The following ATP2C2 variants were observed in gnomAD, a reference collection of about 807,000 sequenced individuals.
ATP2C2 encodes the protein calcium-transporting ATPase type 2C member 2.
In ATP2C2, 171 loss-of-function variants were observed where a neutral mutation model predicts 110.8. The observed-to-expected ratio is 1.54, with a 90% confidence interval of 1.36 to 1.75. The LOEUF (loss-of-function observed/expected upper bound fraction) is 1.75. ATP2C2 is among the 40% of genes most tolerant of loss of function. ATP2C2 has a pLI of 0.00. For missense variants in ATP2C2, 1,963 were observed against 1,235.0 expected (o/e 1.59, Z -8.84); for synonymous variants, 804 against 508.4 (o/e 1.58, Z -7.82).
At chr16:84,442,014 C>G (rs1405353962) in intron 14 of ATP2C2, among the ~76,000 whole-genome samples, 1 of 152,080 alleles carries the variant, frequency 6.6e-6, no homozygotes, top group Non-Finnish European at 1.5e-5. Context: ...TGCGAGTGTC[C>G]AGGCTCACCA....
chr16:84,391,518 C>G (rs1007502876), intron 1 of ATP2C2, among the ~76,000 whole-genome samples: 3 of 152,178 alleles, frequency 2.0e-5, no homozygotes, highest in African/African-American at 7.2e-5. Context: ...GGGCCCTAAC[C>G]CAATGACTGG....
chr16:84,446,092 T>A (rs1909722608), intron 15 of ATP2C2, among the ~76,000 whole-genome samples: 1 of 151,884 alleles, frequency 6.6e-6, no homozygotes, highest in Non-Finnish European at 1.5e-5. Flanking sequence ...TAAGCAGATT[T>A]CAGATAGAAG....
At chr16:84,383,629 C>G (rs923644525) in intron 1 of ATP2C2, among the ~76,000 whole-genome samples, 4 of 152,136 alleles carry the variant, frequency 2.6e-5, no homozygotes, top group Non-Finnish European at 4.4e-5. Context: ...TCCAGGGTCT[C>G]TCAGCATCGT....
At chr16:84,427,498 C>T (rs1324970975) in intron 11 of ATP2C2, among the ~76,000 whole-genome samples, 3 of 152,242 alleles carry the variant, frequency 2.0e-5, no homozygotes, top group East Asian at 3.9e-4. Context: ...CAGACGATCA[C>T]CTAAGGTCAG....
chr16:84,438,774 C>T (rs540090440), intron 11 of ATP2C2, among the ~76,000 whole-genome samples: 2 of 152,258 alleles, frequency 1.3e-5, no homozygotes, highest in African/African-American at 4.8e-5. Flanking sequence ...TCACGAGGAC[C>T]CCTGGAACCA....
At chr16:84,415,643 G>A in intron 7 of ATP2C2, 52 bp downstream of exon 7, 2 of 1,458,124 alleles carry the variant, frequency 1.4e-6, no homozygotes, top group Non-Finnish European at 1.9e-6. Context: ...GCTGGTCAAG[G>A]AGCAGACACT....
At chr16:84,449,340 G>A (rs1044259893) in intron 17 of ATP2C2, among the ~76,000 whole-genome samples, 2 of 152,232 alleles carry the variant, frequency 1.3e-5, no homozygotes, top group Admixed American at 1.3e-4. Flanking sequence ...GGCTTTCTGG[G>A]GCACAGTGAA....
chr16:84,432,668 C>T (rs1908387662), intron 11 of ATP2C2, among the ~76,000 whole-genome samples: 3 of 152,086 alleles, frequency 2.0e-5, no homozygotes, highest in Non-Finnish European at 4.4e-5. Flanking sequence ...TTACAGGTGC[C>T]TGCCACCACA....
chr16:84,404,163 A>G (rs1905546050), intron 2 of ATP2C2, among the ~76,000 whole-genome samples: 1 of 152,196 alleles, frequency 6.6e-6, no homozygotes, highest in African/African-American at 2.4e-5. Flanking sequence ...AACTCACTGA[A>G]TCCTATCTTT....
In ATP2C2 at chr16:84,461,766, G is replaced by A. The variant is rs1040587091; in HGVS notation, c.2534G>A (p.Cys845Tyr). The stretch of plus-strand genomic sequence containing the variant: ...CGCACCACGACGATGACGTTCACTT[G>A]TTTTGTGTTTTTCGATCTCTTCAAC... Reference protein sequence around the residue: ...TPRTTTMTFTCFVFFDLFNAL... With the variant: ...TPRTTTMTFTYFVFFDLFNAL... The change falls in exon 25 of 27, where the codon TGT becomes TAT. Residue 845 changes from cysteine (C) to tyrosine (Y), a missense_variant. Transcript: ENST00000262429. 1.9e-6 allele frequency: 3 copies of A among 1,614,100 alleles called. No homozygotes were observed. The highest frequency in any genetic ancestry group is 2.7e-5 in the African/African-American group (2 of 74,932).
chr16:84,447,935 A>G (rs960968963), intron 16 of ATP2C2, among the ~76,000 whole-genome samples: 1 of 151,684 alleles, frequency 6.6e-6, no homozygotes, highest in East Asian at 1.9e-4. Context: ...TGTTACATTC[A>G]CACTGTGCAC....
Position 84,369,692 on chromosome 16 carries a change from A to AT in ATP2C2, c.99+985dup, listed in dbSNP as rs1909838364. Among the ~76,000 whole-genome samples the AT allele has an allele frequency of 3.3e-5, 5 of 152,110 alleles. No individual in the cohort carries two copies. The South Asian group carries it at 1.0e-3, about 32-fold the overall frequency. ...GAAAAAATATTTGACTTAAAATTTTATTTTTTTCTCCCAAAGAATACTAAT... is the reference window on the plus strand; with the variant it reads ...GAAAAAATATTTGACTTAAAATTTTATTTTTTTTCTCCCAAAGAATACTAAT... On this transcript the variant is annotated intron_variant, in intron 1 of 26. Coordinates refer to ENST00000262429, the MANE Select transcript of ATP2C2 (RefSeq NM_014861.4).
At chr16:84,379,613 G>A (rs1379887383) in intron 1 of ATP2C2, among the ~76,000 whole-genome samples, 1 of 152,214 alleles carries the variant, frequency 6.6e-6, no homozygotes, top group African/African-American at 2.4e-5. Context: ...CCAGCAATCT[G>A]AGACTCAGCA....
chr16:84,455,660 C>A (rs193113870), intron 21 of ATP2C2, among the ~76,000 whole-genome samples: 1 of 151,668 alleles, frequency 6.6e-6, no homozygotes, highest in Non-Finnish European at 1.5e-5. Flanking sequence ...TACAAAAAAT[C>A]CAAATAAACA....
intron 21 of ATP2C2, 84 bp downstream of exon 21, chr16:84,455,068 A>AGT: frequency 4.8e-6 from 6 of 1,250,360 alleles, no homozygotes; most frequent in South Asian, 4.1e-5. Context: ...CTGTGGAGAT[A>AGT]GAGGGGGGGG....
At chr16:84,413,460 G>A (rs186534369) in intron 6 of ATP2C2, among the ~76,000 whole-genome samples, 7 of 152,282 alleles carry the variant, frequency 4.6e-5, no homozygotes, top group African/African-American at 1.2e-4. Flanking sequence ...GAAGGGCCGC[G>A]GGAGCAGTAG....
intron 11 of ATP2C2, among the ~76,000 whole-genome samples, chr16:84,429,618 G>A (rs554574787): frequency 1.3e-5 from 2 of 152,286 alleles, no homozygotes; most frequent in South Asian, 2.1e-4. Context: ...TTCAAAGATT[G>A]TAGGTCTCAG....
At chr16:84,450,006 T>C (rs554321685) in intron 17 of ATP2C2, among the ~76,000 whole-genome samples, 1 of 152,334 alleles carries the variant, frequency 6.6e-6, no homozygotes, top group East Asian at 1.9e-4. Flanking sequence ...GACACAGCCC[T>C]GCCTAGTGCA....
intron 11 of ATP2C2, among the ~76,000 whole-genome samples, chr16:84,427,439 C>T (rs1907897274): frequency 6.6e-6 from 1 of 152,082 alleles, no homozygotes; most frequent in Admixed American, 6.6e-5. Flanking sequence ...GTCACTCGGC[C>T]AGGCGCGGTG....
Sources: gnomAD v4.1 joint callset for allele counts (sites outside exome capture counted in the v4.1 genomes callset) on GRCh38, gnomAD v4.1.1 for gene constraint, MANE v1.5 for transcripts, NCBI Gene and HGNC (gene_info 2026-07-23, HGNC 2026-07-21) for gene names.